Variants in PTK2 observed in about 807,000 individuals in gnomAD.
PTK2 encodes the protein protein tyrosine kinase 2.
Under a neutral mutation model 150.1 loss-of-function variants are expected in PTK2, and 45 were observed. The ratio of observed to expected loss-of-function variants is 0.30; its 90% CI spans 0.24 to 0.38. PTK2 has a LOEUF of 0.38. Ranked by LOEUF, PTK2 falls within the 10% of genes least tolerant of loss-of-function variation. The pLI, the probability that PTK2 is intolerant of heterozygous loss-of-function variation, is 1.00. For synonymous variants in PTK2, 432 were observed against 449.2 expected, an observed-to-expected ratio of 0.96 and a Z score of 0.48; for missense variants, 919 against 1,307.3, an observed-to-expected ratio of 0.70 and a Z score of 4.58.
At chr8:140,729,951 A>G (rs1482826646) in intron 22 of PTK2, among the ~76,000 whole-genome samples, 1 of 152,250 alleles carries the variant, frequency 6.6e-6, no homozygotes, top group Admixed American at 6.5e-5. Flanking sequence ...TGTGAGGATT[A>G]AGATGAAATA....
At chr8:140,699,831 C>CA (rs1327814286) in intron 26 of PTK2, among the ~76,000 whole-genome samples, 3 of 151,224 alleles carry the variant, frequency 2.0e-5, no homozygotes, top group Middle Eastern at 6.8e-3. Context: ...CCTTAGGAGA[C>CA]AGAGTCTTGC....
chr8:140,951,909 A>AAAT (rs397731649), intron 1 of PTK2, among the ~76,000 whole-genome samples: 2 of 145,408 alleles, frequency 1.4e-5, no homozygotes, highest in African/African-American at 5.1e-5. Context: ...AAAAAAAAAA[A>AAAT]TTTTTTTTTT....
chr8:140,982,081 A>AAAAAAAAAAAAAAC (rs144602670), intron 1 of PTK2, among the ~76,000 whole-genome samples: 2 of 146,574 alleles, frequency 1.4e-5, no homozygotes, highest in Non-Finnish European at 3.0e-5. Flanking sequence ...AAAAAAAAAA[A>AAAAAAAAAAAAAAC]AATGACTCAG....
At chr8:140,933,497 A>G (rs1221790449) in intron 1 of PTK2, among the ~76,000 whole-genome samples, 1 of 152,244 alleles carries the variant, frequency 6.6e-6, no homozygotes, top group Non-Finnish European at 1.5e-5. Flanking sequence ...AAGGTTTTGG[A>G]ACGCTAAATC....
At chr8:140,889,171 A>G (rs1289596369) in intron 3 of PTK2, among the ~76,000 whole-genome samples, 1 of 152,218 alleles carries the variant, frequency 6.6e-6, no homozygotes, top group African/African-American at 2.4e-5. Context: ...TAATATTAAA[A>G]TTTAGAGGTA....
chr8:140,760,850 T>G (rs981998144), intron 16 of PTK2, among the ~76,000 whole-genome samples: 4 of 152,218 alleles, frequency 2.6e-5, no homozygotes, highest in African/African-American at 9.6e-5. Context: ...TAAATAGGTA[T>G]ACTGGCTGTT....
At chr8:140,992,711 G>C (rs540433036) in intron 1 of PTK2, among the ~76,000 whole-genome samples, 2 of 152,296 alleles carry the variant, frequency 1.3e-5, no homozygotes, top group South Asian at 4.1e-4. Context: ...TTCACTGAGA[G>C]GCAAACTGCA....
chr8:140,769,994 C>G (rs189480479), intron 14 of PTK2, among the ~76,000 whole-genome samples: 263 of 152,250 alleles, frequency 1.7e-3, no homozygotes, highest in Non-Finnish European at 2.5e-3. Context: ...ACAAACTAGT[C>G]ATTAATCTGT....
At chr8:140,813,965 G>C (rs930981622) in intron 10 of PTK2, among the ~76,000 whole-genome samples, 2 of 152,042 alleles carry the variant, frequency 1.3e-5, no homozygotes, top group African/African-American at 4.8e-5. Context: ...GAAATGAAAA[G>C]GGGGATGTTA....
At chr8:140,743,380 C>T in intron 19 of PTK2, 50 bp from the exon 23 acceptor site, 3 of 1,435,400 alleles carry the variant, frequency 2.1e-6, no homozygotes, top group Non-Finnish European at 2.9e-6. Context: ...GAAAAACAAA[C>T]ATACAAGCTC....
intron 10 of PTK2, among the ~76,000 whole-genome samples, chr8:140,805,476 T>C (rs1167930544): frequency 6.6e-6 from 1 of 151,510 alleles, no homozygotes; most frequent in Non-Finnish European, 1.5e-5. Flanking sequence ...GGAGAATCAC[T>C]TGAACCAGGG....
At chr8:140,883,550 T>C (rs368635040) in intron 3 of PTK2, among the ~76,000 whole-genome samples, 7 of 152,214 alleles carry the variant, frequency 4.6e-5, no homozygotes, top group East Asian at 1.9e-4. Context: ...CTTTTTCTCA[T>C]TGTGTTTCTC....
intron 3 of PTK2, among the ~76,000 whole-genome samples, chr8:140,880,703 T>A (rs2100148639): frequency 6.6e-6 from 1 of 152,232 alleles, no homozygotes; most frequent in Admixed American, 6.5e-5. Flanking sequence ...TATTGCTTTA[T>A]TACAGCACAA....
chr8:140,960,200 T>C (rs1490367401), intron 1 of PTK2, among the ~76,000 whole-genome samples: 8 of 127,230 alleles, frequency 6.3e-5, no homozygotes, highest in East Asian at 2.3e-4. Context: ...TTTTTTTTTT[T>C]TTTTTTTTTT....
chr8:140,824,206 G>A (rs1366898285), intron 8 of PTK2, among the ~76,000 whole-genome samples: 1 of 152,142 alleles, frequency 6.6e-6, no homozygotes, highest in Non-Finnish European at 1.5e-5. Context: ...CAAGTAACTG[G>A]GGCAAATGTG....
intron 2 of PTK2, among the ~76,000 whole-genome samples, chr8:140,891,703 T>G (rs1751482403): frequency 6.6e-6 from 1 of 152,176 alleles, no homozygotes; most frequent in African/African-American, 2.4e-5. Context: ...TGTCAAACAC[T>G]CTGCAGGTTG....
At chr8:140,662,816 C>T (rs1230230564) in intron 31 of PTK2, 1 of 504,536 alleles carries the variant, frequency 2.0e-6, no homozygotes, top group African/African-American at 1.9e-5. Flanking sequence ...TCAATCTCAT[C>T]AGGAAGAAAC....
intron 1 of PTK2, among the ~76,000 whole-genome samples, chr8:141,000,584 T>C (rs2100199771): frequency 6.6e-6 from 1 of 151,534 alleles, no homozygotes; most frequent in South Asian, 2.1e-4. Flanking sequence ...CCCGCGCCTC[T>C]GTCCGCCCTG....
In PTK2 at chr8:140,670,915, T is replaced by C. The variant is rs977630465; in HGVS notation, c.2710-2491A>G. 2.0e-5 allele frequency among the ~76,000 whole-genome samples: 3 copies of C among 152,210 alleles called. No individual in the cohort carries two copies. In the East Asian group the frequency reaches 5.8e-4, roughly 29 times the overall value. On this transcript the variant is annotated intron_variant, in intron 29 of 31. Coordinates refer to ENST00000522684, the Ensembl canonical transcript of PTK2. Reference sequence around the variant, plus strand: ...CTTCTGTTCCTTTCTACTTTACCCTTTGCCCAATTATTGTGGTAGAGGGGC... The same window carrying C: ...CTTCTGTTCCTTTCTACTTTACCCTCTGCCCAATTATTGTGGTAGAGGGGC...
Sources: allele counts gnomAD v4.1 joint callset (sites outside exome capture counted in the v4.1 genomes callset), GRCh38; gene constraint gnomAD v4.1.1; transcripts MANE v1.5; gene names NCBI Gene and HGNC (gene_info 2026-07-23, HGNC 2026-07-21).